Variants in ARHGAP15 observed in about 807,000 individuals in gnomAD.
The protein encoded by ARHGAP15 is rho GTPase-activating protein 15.
A neutral mutation model predicts 63.7 loss-of-function variants in ARHGAP15; 51 were observed. The ratio of observed to expected loss-of-function variants is 0.80; its 90% CI spans 0.64 to 1.01. ARHGAP15 has a LOEUF of 1.01. Ranked by LOEUF, ARHGAP15 falls within the 50% of genes least tolerant of loss-of-function variation. ARHGAP15 has a pLI of 0.00. For missense variants in ARHGAP15, 560 were observed against 564.6 expected, an observed-to-expected ratio of 0.99 and a Z score of 0.08; for synonymous variants, 191 against 193.8, an observed-to-expected ratio of 0.99 and a Z score of 0.12.
intron 6 of ARHGAP15, among the ~76,000 whole-genome samples, chr2:143,402,987 C>G (rs1479242913): frequency 2.0e-5 from 3 of 151,578 alleles, no homozygotes; most frequent in Non-Finnish European, 4.4e-5. Flanking sequence ...ATATTAAAAC[C>G]TAGTTTCTCA....
At chr2:143,405,500 C>A (rs1449322638) in intron 6 of ARHGAP15, among the ~76,000 whole-genome samples, 1 of 151,810 alleles carries the variant, frequency 6.6e-6, no homozygotes, top group Non-Finnish European at 1.5e-5. Context: ...TTGTCATAAA[C>A]TACATATAGA....
At chr2:143,464,164 A>G (rs1311971706) in intron 8 of ARHGAP15, among the ~76,000 whole-genome samples, 8 of 152,208 alleles carry the variant, frequency 5.3e-5, no homozygotes, top group Non-Finnish European at 1.2e-4. Flanking sequence ...TTGAATTGGT[A>G]AGGCTGATGA....
intron 2 of ARHGAP15, among the ~76,000 whole-genome samples, chr2:143,166,197 T>C (rs373238953): frequency 2.4e-4 from 36 of 152,174 alleles, no homozygotes; most frequent in African/African-American, 8.2e-4. Context: ...TTTAAGGGAA[T>C]CTTGCTGTTG....
At chr2:143,727,368 TTTACC>T (rs1685329031) in intron 13 of ARHGAP15, among the ~76,000 whole-genome samples, 1 of 152,312 alleles carries the variant, frequency 6.6e-6, no homozygotes, top group African/African-American at 2.4e-5. Flanking sequence ...TGATGGCCGC[TTTACC>T]TTATTCGGCC....
At position 143,195,883 on chromosome 2, in the gene ARHGAP15, C is replaced by T. The variant is rs182208875; in HGVS notation, c.166-6251C>T. On this transcript the variant is annotated intron_variant, in intron 2 of 13. Coordinates refer to ENST00000295095, the MANE Select transcript of ARHGAP15 (RefSeq NM_018460.4). The stretch of plus-strand genomic sequence containing the variant: ...AACTTTCATAGTAGACCCTCCTACA[C>T]ACGGAAAATAATATGCCCAAATTCT... Among the ~76,000 whole-genome samples the T allele has an allele frequency of 1.3e-3, 196 of 152,202 alleles. 2 individuals carry two copies. The highest frequency in any genetic ancestry group is 4.6e-3 in the African/African-American group (189 of 41,530).
rs537984973 is a variant in ARHGAP15, at chr2:143,619,303, C to T, written c.1004-4830C>T. On this transcript the variant is annotated intron_variant, in intron 11 of 13. Transcript: ENST00000295095. ...TAAATAAGTTTTTACTTAAAAGATA[C>T]CCTAAAGGCTCTTCAAGAAAGAGCA... Among the ~76,000 whole-genome samples the T allele has an allele frequency of 7.2e-5, 11 of 152,134 alleles. No homozygotes were observed. In the South Asian group the frequency reaches 2.1e-3, roughly 29 times the overall value.
chr2:143,459,441 A>G (rs1690821388), intron 8 of ARHGAP15, among the ~76,000 whole-genome samples: 1 of 151,876 alleles, frequency 6.6e-6, no homozygotes, highest in Admixed American at 6.6e-5. Flanking sequence ...AAACTAAAGT[A>G]AGAAAGTGGC....
At chr2:143,558,052 A>G (rs1695881679) in intron 11 of ARHGAP15, among the ~76,000 whole-genome samples, 1 of 152,012 alleles carries the variant, frequency 6.6e-6, no homozygotes, top group African/African-American at 2.4e-5. Flanking sequence ...AATGTGACAG[A>G]CTCATGTTAG....
At chr2:143,337,518 C>T (rs779531559) in intron 6 of ARHGAP15, among the ~76,000 whole-genome samples, 1 of 152,124 alleles carries the variant, frequency 6.6e-6, no homozygotes, top group Non-Finnish European at 1.5e-5. Context: ...GAAAGAGCTA[C>T]TTAAATGGAA....
At chr2:143,576,848 T>G (rs1696699239) in intron 11 of ARHGAP15, among the ~76,000 whole-genome samples, 1 of 152,164 alleles carries the variant, frequency 6.6e-6, no homozygotes, top group Admixed American at 6.6e-5. Context: ...GTTCATAGAT[T>G]GAGGTTATTT....
intron 2 of ARHGAP15, among the ~76,000 whole-genome samples, chr2:143,192,180 T>G (rs1691709566): frequency 6.6e-6 from 1 of 152,228 alleles, no homozygotes; most frequent in South Asian, 2.1e-4. Flanking sequence ...TTTATGCACT[T>G]CTGGCTAGGG....
chr2:143,172,698 G>A (rs1333949954), intron 2 of ARHGAP15, among the ~76,000 whole-genome samples: 1 of 152,048 alleles, frequency 6.6e-6, no homozygotes, highest in East Asian at 1.9e-4. Flanking sequence ...GAGACAGGAA[G>A]AACCAAATAT....
chr2:143,242,969 CAATT>C (rs1286486290), intron 5 of ARHGAP15, among the ~76,000 whole-genome samples: 2 of 152,158 alleles, frequency 1.3e-5, no homozygotes, highest in Admixed American at 6.6e-5. Context: ...TCTGGAATAG[CAATT>C]AATCCAAAAT....
intron 13 of ARHGAP15, among the ~76,000 whole-genome samples, chr2:143,746,468 C>T (rs574040909): frequency 1.3e-5 from 2 of 152,246 alleles, no homozygotes; most frequent in East Asian, 1.9e-4. Context: ...CTGTTGACAG[C>T]GTTGTTCTGA....
At chr2:143,453,076 T>C (rs1411632738) in intron 8 of ARHGAP15, among the ~76,000 whole-genome samples, 1 of 124,692 alleles carries the variant, frequency 8.0e-6, no homozygotes, top group Non-Finnish European at 1.7e-5. Flanking sequence ...CTAAGCACTT[T>C]AATCTACTCT....
chr2:143,233,775 G>C (rs1478893594), intron 5 of ARHGAP15, among the ~76,000 whole-genome samples: 1 of 151,520 alleles, frequency 6.6e-6, no homozygotes, highest in Admixed American at 6.6e-5. Flanking sequence ...CTCCAGAGTA[G>C]CTGGGATTAC....
chr2:143,211,511 AGCAGCT>A (rs1209308450), intron 3 of ARHGAP15, among the ~76,000 whole-genome samples: 1 of 152,176 alleles, frequency 6.6e-6, no homozygotes, highest in Non-Finnish European at 1.5e-5. Context: ...GAGAAAGTAT[AGCAGCT>A]GCCTCGTTAT....
chr2:143,466,116 G>A (rs1159207868), intron 8 of ARHGAP15, among the ~76,000 whole-genome samples: 1 of 151,744 alleles, frequency 6.6e-6, no homozygotes, highest in Non-Finnish European at 1.5e-5. Flanking sequence ...GTGAGCTCGG[G>A]TCCCAGCAAA....
intron 2 of ARHGAP15, among the ~76,000 whole-genome samples, chr2:143,160,475 A>C (rs1690247749): frequency 1.3e-5 from 2 of 152,062 alleles, no homozygotes; most frequent in Admixed American, 1.3e-4. Flanking sequence ...TTCCACTGCA[A>C]TTTTCTTTAC....
Sources: allele counts gnomAD v4.1 joint callset (sites outside exome capture counted in the v4.1 genomes callset), GRCh38; gene constraint gnomAD v4.1.1; transcripts MANE v1.5; gene names NCBI Gene and HGNC (gene_info 2026-07-23, HGNC 2026-07-21).